Variants in ZBTB20 observed in about 807,000 individuals in gnomAD.
ZBTB20 encodes zinc finger and BTB domain-containing protein 20.
ZBTB20 carries 9 observed loss-of-function variants against 56.9 expected under a neutral mutation model. The ratio of observed to expected loss-of-function variants is 0.16; its 90% CI spans 0.10 to 0.28. The LOEUF (loss-of-function observed/expected upper bound fraction) is 0.28. Among genes scored for constraint, ZBTB20 ranks in the 10% least tolerant of loss-of-function variants. ZBTB20 has a pLI of 1.00. For synonymous variants in ZBTB20, 417 were observed against 420.7 expected (o/e 0.99, Z 0.11); for missense variants, 655 against 1,003.0 (o/e 0.65, Z 4.69).
At chr3:114,394,361 C>T (rs1169367957) in intron 7 of ZBTB20, among the ~76,000 whole-genome samples, 2 of 152,140 alleles carry the variant, frequency 1.3e-5, no homozygotes, top group African/African-American at 2.4e-5. Flanking sequence ...AACAACTGTT[C>T]CAATGCAGCA....
At chr3:114,854,554 G>A (rs2075151692) in intron 4 of ZBTB20, among the ~76,000 whole-genome samples, 1 of 152,182 alleles carries the variant, frequency 6.6e-6, no homozygotes, top group Admixed American at 6.5e-5. Flanking sequence ...GCAAAAGATT[G>A]CATAGGGTAA....
intron 7 of ZBTB20, among the ~76,000 whole-genome samples, chr3:114,389,739 AT>A (rs1315141633): frequency 1.4e-5 from 2 of 143,322 alleles, no homozygotes; most frequent in South Asian, 2.2e-4. Flanking sequence ...ATGCAAAAAA[AT>A]TAGCCAGGCG....
intron 1 of ZBTB20, among the ~76,000 whole-genome samples, chr3:115,133,312 G>GT (rs1435459836): frequency 3.3e-5 from 5 of 151,930 alleles, no homozygotes; most frequent in African/African-American, 4.8e-5. Context: ...TCATCTTCCA[G>GT]TTTTTTCTTC....
chr3:114,478,549 T>C lies in ZBTB20; in HGVS notation c.-255+21803A>G, dbSNP rs561402582. Among the ~76,000 whole-genome samples, 29 of 152,348 alleles carry C rather than the reference T, an allele frequency of 1.9e-4. No individual in the cohort carries two copies. The South Asian group carries it at 5.8e-3, about 30-fold the overall frequency. ...AACAATAATTTTCCATTGGTTTGAT[T>C]ATCTTATGTCCACTGTGAAACAACA... On this transcript the variant is annotated intron_variant, in intron 7 of 11. Transcript: ENST00000675478.
chr3:114,444,338 G>T (rs1460687170), intron 7 of ZBTB20, among the ~76,000 whole-genome samples: 1 of 152,116 alleles, frequency 6.6e-6, no homozygotes, highest in Non-Finnish European at 1.5e-5. Flanking sequence ...TAACTCCAGA[G>T]TCTCTAGGGA....
At chr3:114,662,367 A>G (rs1369527298) in intron 6 of ZBTB20, among the ~76,000 whole-genome samples, 12 of 144,158 alleles carry the variant, frequency 8.3e-5, no homozygotes, top group Admixed American at 2.8e-4. Context: ...ATAAACATAC[A>G]TGTGCATGTG....
intron 7 of ZBTB20, among the ~76,000 whole-genome samples, chr3:114,493,776 T>C (rs2042993491): frequency 6.6e-6 from 1 of 152,240 alleles, no homozygotes; most frequent in South Asian, 2.1e-4. Context: ...TATTATATAG[T>C]GGTAAGCACA....
At chr3:114,741,390 A>G (rs1242034376) in intron 5 of ZBTB20, among the ~76,000 whole-genome samples, 1 of 152,192 alleles carries the variant, frequency 6.6e-6, no homozygotes, top group African/African-American at 2.4e-5. Context: ...CTGTCCACCC[A>G]AAAACATAAT....
At chr3:114,944,458 A>T (rs2076821029) in intron 3 of ZBTB20, among the ~76,000 whole-genome samples, 2 of 145,552 alleles carry the variant, frequency 1.4e-5, no homozygotes, top group Admixed American at 1.3e-4. Context: ...CTACCATATG[A>T]TCCAGTAATT....
At chr3:114,376,289 C>A (rs996726777) in intron 10 of ZBTB20, among the ~76,000 whole-genome samples, 2 of 152,188 alleles carry the variant, frequency 1.3e-5, no homozygotes, top group Admixed American at 6.5e-5. Context: ...TGTCCCCACA[C>A]CCAGTGTTGT....
intron 1 of ZBTB20, among the ~76,000 whole-genome samples, chr3:115,122,322 T>G (rs1194824907): frequency 1.3e-5 from 2 of 152,054 alleles, no homozygotes; most frequent in Non-Finnish European, 2.9e-5. Flanking sequence ...GATTTTTTTT[T>G]CATATTTGGT....
At chr3:114,474,750 G>A (rs1187746330) in intron 7 of ZBTB20, among the ~76,000 whole-genome samples, 1 of 151,992 alleles carries the variant, frequency 6.6e-6, no homozygotes, top group Non-Finnish European at 1.5e-5. Flanking sequence ...CCTCTCCCTT[G>A]CTCCCCAAAT....
At chr3:114,697,814 A>G (rs1386921015) in intron 5 of ZBTB20, among the ~76,000 whole-genome samples, 1 of 152,060 alleles carries the variant, frequency 6.6e-6, no homozygotes, top group Admixed American at 6.6e-5. Flanking sequence ...AGAGGAAGAA[A>G]GAGCTTATTC....
intron 6 of ZBTB20, among the ~76,000 whole-genome samples, chr3:114,546,836 A>G (rs1432477577): frequency 5.9e-5 from 9 of 152,176 alleles, no homozygotes. Flanking sequence ...AAGCAGAGCA[A>G]ATAGGGTTAA....
chr3:114,691,507 C>G (rs2062696318), intron 6 of ZBTB20, among the ~76,000 whole-genome samples: 1 of 151,878 alleles, frequency 6.6e-6, no homozygotes, highest in Non-Finnish European at 1.5e-5. Flanking sequence ...TATTTGTTGA[C>G]TGATTCATTT....
At chr3:114,616,319 T>C (rs2057939501) in intron 6 of ZBTB20, among the ~76,000 whole-genome samples, 2 of 152,234 alleles carry the variant, frequency 1.3e-5, no homozygotes, top group Non-Finnish European at 2.9e-5. Flanking sequence ...ATTTTGCCTT[T>C]ATAATCATCT....
chr3:114,765,096 A>G (rs1189437030), intron 5 of ZBTB20, among the ~76,000 whole-genome samples: 1 of 152,190 alleles, frequency 6.6e-6, no homozygotes, highest in African/African-American at 2.4e-5. Context: ...GGGAGAAATA[A>G]AAGTATGCAA....
intron 6 of ZBTB20, among the ~76,000 whole-genome samples, chr3:114,568,226 T>C (rs1468852510): frequency 6.6e-6 from 1 of 152,202 alleles, no homozygotes; most frequent in Non-Finnish European, 1.5e-5. Flanking sequence ...TCCCCTCTAC[T>C]GATAAGGCTG....
At position 114,939,283 on chromosome 3, in the gene ZBTB20, A is replaced by G. The variant is rs2076651507; in HGVS notation, c.-456+35083T>C. On this transcript the variant is annotated intron_variant, in intron 3 of 11. Transcript: ENST00000675478. ...GCTCATCGCAGTCTTTTAAAAAATA[A>G]TTGAAAGGATAGAAACAATTTAAAT... Among the ~76,000 whole-genome samples, 2 of 146,588 alleles carry G rather than the reference A, an allele frequency of 1.4e-5. 1 individual carries two copies. The highest frequency in any genetic ancestry group is 5.5e-5 in the African/African-American group (2 of 36,200).
Sources: allele counts gnomAD v4.1 joint callset (sites outside exome capture counted in the v4.1 genomes callset), GRCh38; gene constraint gnomAD v4.1.1; transcripts MANE v1.5; gene names NCBI Gene and HGNC (gene_info 2026-07-23, HGNC 2026-07-21).